MTUS2: variants seen among roughly 807,000 people sequenced by gnomAD.
MTUS2 encodes microtubule-associated tumor suppressor candidate 2.
MTUS2 carries 40 observed loss-of-function variants against 114.1 expected under a neutral mutation model. That is an observed-to-expected ratio of 0.35 (90% CI 0.27 to 0.46). The LOEUF (loss-of-function observed/expected upper bound fraction) is 0.46. Among genes scored for constraint, MTUS2 ranks in the 20% least tolerant of loss-of-function variants. MTUS2 has a pLI of 1.00. For missense variants in MTUS2, 1,679 were observed against 1,705.4 expected (o/e 0.98, Z 0.27); for synonymous variants, 688 against 672.0 (o/e 1.02, Z -0.37).
At chr13:29,418,161 A>G (rs886553259) in intron 8 of MTUS2, among the ~76,000 whole-genome samples, 1 of 152,186 alleles carries the variant, frequency 6.6e-6, no homozygotes, top group African/African-American at 2.4e-5. Context: ...CCAGTGCCCA[A>G]TAGTCCTTGA....
intron 8 of MTUS2, among the ~76,000 whole-genome samples, chr13:29,382,270 T>C (rs539518561): frequency 6.6e-6 from 1 of 152,210 alleles, no homozygotes; most frequent in African/African-American, 2.4e-5. Flanking sequence ...CAAAAGCGGA[T>C]CCTCTGAGTG....
At chr13:29,494,377 T>A (rs1882391028) in intron 12 of MTUS2, among the ~76,000 whole-genome samples, 1 of 152,262 alleles carries the variant, frequency 6.6e-6, no homozygotes, top group Non-Finnish European at 1.5e-5. Flanking sequence ...TAGCACACTC[T>A]GTCCCTGTAG....
rs916344371 is a variant in MTUS2, at chr13:29,034,207, A to G, written c.2446+82A>G. On this transcript the variant is annotated intron_variant, in intron 4 of 15. Coordinates refer to ENST00000612955, the MANE Select transcript of MTUS2 (RefSeq NM_001033602.4). ...TAAGATGGTGATAATTGTCTAAAAT[A>G]TGAATGCCTTTCATCCTTTAAGGAG... is the stretch of plus-strand genomic sequence containing the variant. 23 of 1,572,442 alleles carry G rather than the reference A, an allele frequency of 1.5e-5. 1 individual carries two copies. Among genetic ancestry groups the G allele is most frequent in the Middle Eastern group, 3.3e-4 (2 of 5,980 alleles).
chr13:29,227,136 G>A (rs1896138137), intron 5 of MTUS2, among the ~76,000 whole-genome samples: 1 of 151,532 alleles, frequency 6.6e-6, no homozygotes, highest in African/African-American at 2.4e-5. Flanking sequence ...GTGTGTGCCT[G>A]TAATACGAGC....
At chr13:29,207,504 TTC>T (rs2139266396) in intron 5 of MTUS2, among the ~76,000 whole-genome samples, 1 of 152,294 alleles carries the variant, frequency 6.6e-6, no homozygotes, top group East Asian at 1.9e-4. Context: ...CTGGTTCCAG[TTC>T]TCAGAGGGAA....
chr13:29,198,013 A>G (rs147161451), intron 5 of MTUS2, among the ~76,000 whole-genome samples: 78 of 150,400 alleles, frequency 5.2e-4, no homozygotes, highest in African/African-American at 1.8e-3. Flanking sequence ...CTTCCGTTCT[A>G]TAGGTTGCCT....
At chr13:28,985,170 T>C (rs1884525022) in intron 2 of MTUS2, among the ~76,000 whole-genome samples, 1 of 152,262 alleles carries the variant, frequency 6.6e-6, no homozygotes, top group Non-Finnish European at 1.5e-5. Context: ...TCCAGAAATA[T>C]ATATGGACAT....
chr13:29,031,419 T>TAG (rs1886823300), intron 3 of MTUS2, among the ~76,000 whole-genome samples: 3 of 151,706 alleles, frequency 2.0e-5, no homozygotes, highest in East Asian at 3.9e-4. Flanking sequence ...TATATATATA[T>TAG]AGAGAGAGAT....
At chr13:28,851,215 G>A (rs1490907536) in intron 2 of MTUS2, among the ~76,000 whole-genome samples, 1 of 152,148 alleles carries the variant, frequency 6.6e-6, no homozygotes, top group African/African-American at 2.4e-5. Flanking sequence ...TATCTGGAGT[G>A]GACCTAAGAG....
chr13:29,151,626 A>C (rs1163196707), intron 5 of MTUS2, among the ~76,000 whole-genome samples: 1 of 152,162 alleles, frequency 6.6e-6, no homozygotes, highest in African/African-American at 2.4e-5. Context: ...TCTCAAGGTG[A>C]ATTCTTCCAG....
chr13:29,339,534 C>A, intron 7 of MTUS2: 1 of 153,962 alleles, frequency 6.5e-6, no homozygotes, highest in Non-Finnish European at 1.4e-5. Context: ...ATACAGGCTC[C>A]CCTCTGTGCT....
intron 5 of MTUS2, among the ~76,000 whole-genome samples, chr13:29,234,577 A>T (rs1175870302): frequency 6.6e-6 from 1 of 152,202 alleles, no homozygotes; most frequent in Admixed American, 6.5e-5. Context: ...CCTGATTTGT[A>T]GCCAAATGGC....
intron 6 of MTUS2, among the ~76,000 whole-genome samples, chr13:29,315,952 GC>G (rs1435905070): frequency 6.6e-6 from 1 of 151,608 alleles, no homozygotes; most frequent in African/African-American, 2.4e-5. Flanking sequence ...CCATGGTGAT[GC>G]CCAGGGTCTT....
intron 5 of MTUS2, among the ~76,000 whole-genome samples, chr13:29,256,446 A>C (rs1897285530): frequency 1.3e-5 from 2 of 152,238 alleles, no homozygotes; most frequent in Admixed American, 6.5e-5. Flanking sequence ...GAGGGGCCAC[A>C]GAGAGGGGCG....
At chr13:29,288,972 T>C (rs1246944730) in intron 6 of MTUS2, among the ~76,000 whole-genome samples, 2 of 152,188 alleles carry the variant, frequency 1.3e-5, no homozygotes, top group Non-Finnish European at 2.9e-5. Context: ...TGGATTGACT[T>C]TGCATATGCA....
chr13:29,116,125 G>C (rs1269888152), intron 5 of MTUS2, among the ~76,000 whole-genome samples: 1 of 152,086 alleles, frequency 6.6e-6, no homozygotes, highest in Admixed American at 6.5e-5. Flanking sequence ...CTGGCCCCTA[G>C]GCCCCATGTT....
At chr13:29,281,501 G>A (rs1478641946) in intron 5 of MTUS2, among the ~76,000 whole-genome samples, 1 of 151,950 alleles carries the variant, frequency 6.6e-6, no homozygotes, top group Non-Finnish European at 1.5e-5. Flanking sequence ...CACGGGATTT[G>A]TGTGACAGAT....
chr13:29,382,903 A>G (rs1486662862), intron 8 of MTUS2, among the ~76,000 whole-genome samples: 2 of 152,172 alleles, frequency 1.3e-5, no homozygotes, highest in Non-Finnish European at 2.9e-5. Flanking sequence ...ATAGGCTCAA[A>G]TGAGAGAAAC....
chr13:29,344,007 T>C (rs1409420649), intron 7 of MTUS2, among the ~76,000 whole-genome samples: 2 of 152,142 alleles, frequency 1.3e-5, no homozygotes, highest in African/African-American at 4.8e-5. Flanking sequence ...TCCACTGTGG[T>C]TTGAAAGAGT....
Sources: allele counts gnomAD v4.1 joint callset (sites outside exome capture counted in the v4.1 genomes callset), GRCh38; gene constraint gnomAD v4.1.1; transcripts MANE v1.5; gene names NCBI Gene and HGNC (gene_info 2026-07-23, HGNC 2026-07-21).